Variants in IRS4 observed in about 807,000 individuals in gnomAD.
IRS4 encodes insulin receptor substrate 4.
Under a neutral mutation model 48.6 loss-of-function variants are expected in IRS4, and 15 were observed. The ratio of observed to expected loss-of-function variants is 0.31; its 90% CI spans 0.21 to 0.48. The LOEUF is 0.48. Ranked by LOEUF, IRS4 falls within the 20% of genes least tolerant of loss-of-function variation. The pLI, the probability that IRS4 is intolerant of heterozygous loss-of-function variation, is 0.99. For synonymous variants in IRS4, 459 were observed against 413.2 expected (o/e 1.11, Z -1.34); for missense variants, 987 against 1,023.4 (o/e 0.96, Z 0.49).
At position 108,733,426 on chromosome X, in the gene IRS4, G is replaced by T; in HGVS notation, c.2919C>A (p.Asn973Lys). ...EFGVPFPNPA[N>K]DLSDLLRAIP... ...TAGCTCTTAAAAGATCTGAGAGGTCGTTTGCTGGATTTGGAAATGGCACTC... is the reference window on the plus strand; with the variant it reads ...TAGCTCTTAAAAGATCTGAGAGGTCTTTTGCTGGATTTGGAAATGGCACTC... The change falls in exon 1 of 2, where the codon AAC becomes AAA. Residue 973 changes from asparagine (N) to lysine (K), a missense_variant. By Grantham distance (94) the Asn-to-Lys change is moderately conservative. This residue lies in a region of IRS4 where 720 missense variants were observed against 660.3 expected (regional missense o/e 1.09). Coordinates refer to ENST00000372129, the MANE Select transcript of IRS4 (RefSeq NM_001379150.1). 1.7e-6 allele frequency: 2 copies of T among 1,211,511 alleles called. No individual in the cohort carries two copies. Among genetic ancestry groups the T allele is most frequent in the South Asian group, 3.5e-5 (2 of 56,982 alleles).
chrX:108,735,069 C>T lies in IRS4; in HGVS notation c.1276G>A (p.Val426Ile), dbSNP rs757564223. 1.7e-6 allele frequency: 2 copies of T among 1,211,907 alleles called. No individual in the cohort carries two copies. The highest frequency in any genetic ancestry group is 2.2e-5 in the Admixed American group (1 of 46,083). ...LPRGRRSRRA[V>I]SVPASFFRRL... The stretch of plus-strand genomic sequence containing the variant: ...CGAAAAAAGCTGGCCGGCACTGAAA[C>T]CGCTCTCCTTGACCTGCGCCCTCTG... The change falls in exon 1 of 2, where the codon GTT (valine) becomes ATT (isoleucine). Residue 426 changes from valine (V) to isoleucine (I), a missense_variant. Physicochemically the swap from Val to Ile is conservative, Grantham distance 29. This residue lies in a region of IRS4 where 720 missense variants were observed against 660.3 expected (regional missense o/e 1.09). Coordinates refer to ENST00000372129, the MANE Select transcript of IRS4 (RefSeq NM_001379150.1).
Position 108,734,218 on chromosome X carries a change from G to A in IRS4, c.2127C>T (p.Thr709=), listed in dbSNP as rs750423365. The A allele has an allele frequency of 8.3e-7, 1 of 1,211,171 alleles. No individual in the cohort carries two copies. Among genetic ancestry groups the A allele is most frequent in the Non-Finnish European group, 1.1e-6 (1 of 895,354 alleles). The change falls in exon 1 of 2, where the codon ACC becomes ACT. Residue 709 remains threonine (T), a synonymous_variant. Transcript: ENST00000372129. ...TATAATCACTGGAGCTTACAAGAGG[G>A]GTGGCCACCCCTGGCCTCATTGGCA... ...PYVPMRPGVA[T]PLVSSSDYMP...
chrX:108,725,494 T>A lies in IRS4; in HGVS notation c.3767-2971A>T, dbSNP rs190962276. Among the ~76,000 whole-genome samples, 56 of 99,425 alleles carry A rather than the reference T, an allele frequency of 5.6e-4. No homozygotes were observed. In the Admixed American group the frequency reaches 6.1e-3, roughly 11 times the overall value. The allele number at this position is 99,425 out of a possible 115,157, so 86.3% of individuals were successfully genotyped here. On this transcript the variant is annotated intron_variant, in intron 1 of 1. Coordinates refer to ENST00000372129, the MANE Select transcript of IRS4 (RefSeq NM_001379150.1). ...AAAAAAAAAGGGAAGCAAAGAAAGATATGTTGAAGCATACATGCCAAAGAT... is the reference window on the plus strand; with the variant it reads ...AAAAAAAAAGGGAAGCAAAGAAAGAAATGTTGAAGCATACATGCCAAAGAT...
intron 1 of IRS4, among the ~76,000 whole-genome samples, chrX:108,730,121 TTAGA>T (rs1569510840): frequency 8.9e-6 from 1 of 111,962 alleles, no homozygotes; most frequent in Non-Finnish European, 1.9e-5. Flanking sequence ...TGTTTTAATG[TTAGA>T]TAGGAAAATA....
rs981386975 is a variant in IRS4, at chrX:108,720,376, T to C, written c.*2143A>G. The C allele has an allele frequency of 8.9e-6, 1 of 112,428 alleles. No homozygotes were observed. 9.3% of individuals were successfully genotyped at this position (112,428 alleles called of 1,213,427 possible). A position where few individuals can be genotyped will look rare whatever the true frequency, so the allele number is the denominator to read the frequency against. ...CAATACTGAATAAATTAATTGTCTGTAAACTAATAAATAATGAGAACAAGA... is the reference window on the plus strand; with the variant it reads ...CAATACTGAATAAATTAATTGTCTGCAAACTAATAAATAATGAGAACAAGA... On this transcript the variant is annotated 3_prime_UTR_variant, in exon 2 of 2. Transcript: ENST00000372129.
intron 1 of IRS4, 114 bp from the exon 2 acceptor site, chrX:108,722,637 T>A: frequency 3.9e-6 from 1 of 257,777 alleles, no homozygotes; most frequent in East Asian, 1.0e-4. Flanking sequence ...TAACTAGAAG[T>A]TTTTGAGAGA....
At chrX:108,729,216 T>C (rs536441341) in intron 1 of IRS4, among the ~76,000 whole-genome samples, 2 of 110,958 alleles carry the variant, frequency 1.8e-5, no homozygotes, top group South Asian at 3.8e-4. Context: ...AGTTTGGCAG[T>C]AGTACACTCA....
At position 108,735,169 on chromosome X, in the gene IRS4, C is replaced by T. The variant is rs778904918; in HGVS notation, c.1176G>A (p.Glu392=). Residue 392 remains glutamate, a synonymous_variant, in exon 1 of 2, where the codon GAG becomes GAA. Coordinates refer to ENST00000372129, the MANE Select transcript of IRS4 (RefSeq NM_001379150.1). ...TTACGAAGCGCCTGGTGAAAAGCAT[C>T]TCGTCTTCCCCGTCGCCGATGGCCC... ...HLRAIGDGED[E]MLFTRRFVTP... 5.8e-6 allele frequency: 7 copies of T among 1,209,523 alleles called. No homozygotes were observed. The highest frequency in any genetic ancestry group is 1.8e-5 in the African/African-American group (1 of 57,013).
At chrX:108,732,507 G>T in intron 1 of IRS4, 72 bp downstream of exon 1, 1 of 1,206,444 alleles carries the variant, frequency 8.3e-7, no homozygotes, top group South Asian at 1.8e-5. Flanking sequence ...CCCTAACACT[G>T]TAGACTGTAG....
chrX:108,727,708 G>T (rs979198103), intron 1 of IRS4, among the ~76,000 whole-genome samples: 1 of 111,791 alleles, frequency 8.9e-6, no homozygotes, highest in African/African-American at 3.2e-5. Context: ...CCAATAAAAC[G>T]TCTGGGCTAT....
rs779836797 is a variant in IRS4 at position 108,735,309 on chromosome X, T to C, written c.1036A>G (p.Ser346Gly). ...AGGGTTAACAGGTGGGCGCCGATGCTGATGCTGTAGCTGCGGCAGCGGGCT... is the reference window on the plus strand; with the variant it reads ...AGGGTTAACAGGTGGGCGCCGATGCCGATGCTGTAGCTGCGGCAGCGGGCT... Reference protein sequence around the residue: ...YRARCRSYSISIGAHLLTLLS... With the variant: ...YRARCRSYSIGIGAHLLTLLS... The change falls in exon 1 of 2, where the codon AGC becomes GGC. Residue 346 changes from serine (S) to glycine (G), a missense_variant. Coordinates refer to ENST00000372129, the MANE Select transcript of IRS4 (RefSeq NM_001379150.1). 2 of 1,209,528 alleles carry C rather than the reference T, an allele frequency of 1.7e-6. No homozygotes were observed. Among genetic ancestry groups the C allele is most frequent in the Non-Finnish European group, 2.2e-6 (2 of 895,130 alleles).
rs1296722559 is a variant in IRS4 at position 108,732,681 on chromosome X, C to T, written c.3664G>A (p.Val1222Met). The change falls in exon 1 of 2, where the codon GTG becomes ATG. Residue 1222 changes from valine (V) to methionine (M), a missense_variant. Val to Met is a conservative substitution (Grantham distance 21). Transcript: ENST00000372129. ...APEPPPRSRR[V>M]PRPPEREDSD... ...TCTTCTCTCTCCGGGGGTCTTGGCA[C>T]CCGGCGACTGCGAGGTGGTGGTTCC... is the stretch of plus-strand genomic sequence containing the variant. 1.7e-6 allele frequency: 2 copies of T among 1,209,966 alleles called. No individual in the cohort carries two copies. The highest frequency in any genetic ancestry group is 3.0e-5 in the East Asian group (1 of 33,745).
chrX:108,736,051 G>C lies in IRS4; in HGVS notation c.294C>G (p.Leu98=). The change falls in exon 1 of 2, where the codon CTC becomes CTG. Residue 98 remains leucine, a synonymous_variant. Transcript: ENST00000372129. The part of the protein sequence containing the change: ...QKHGHRRYFV[L]KLETADAPAR... ...CTGGGGCGTCAGCAGTCTCGAGTTTGAGCACGAAGTAGCGCCTGTGCCCAT... is the reference window on the plus strand; with the variant it reads ...CTGGGGCGTCAGCAGTCTCGAGTTTCAGCACGAAGTAGCGCCTGTGCCCAT... 2.5e-6 allele frequency: 3 copies of C among 1,210,883 alleles called. No individual in the cohort carries two copies. In the South Asian group the frequency reaches 5.3e-5, roughly 21 times the overall value.
Position 108,736,550 on chromosome X carries a change from G to C in IRS4, c.-206C>G. The C allele has an allele frequency of 1.6e-6, 1 of 627,459 alleles. No individual in the cohort carries two copies. Among genetic ancestry groups the C allele is most frequent in the Non-Finnish European group, 2.4e-6 (1 of 413,190 alleles). The allele number at this position is 627,459 out of a possible 1,213,427, so 51.7% of individuals were successfully genotyped here. Reference sequence around the variant, plus strand: ...TCACGCGGCGGCCGCTGCGGATCCTGCTACCGGCGCAATGGAGGGGCGCGA... The same window carrying C: ...TCACGCGGCGGCCGCTGCGGATCCTCCTACCGGCGCAATGGAGGGGCGCGA... On this transcript the variant is annotated 5_prime_UTR_variant, in exon 1 of 2. Transcript: ENST00000372129.
chrX:108,722,341 A>T lies in IRS4; in HGVS notation c.*178T>A. ...GGATCCATAAGCAGCAGTATGAATGATCTGCATGAATAGGATCATTCAATT... is the reference window on the plus strand; with the variant it reads ...GGATCCATAAGCAGCAGTATGAATGTTCTGCATGAATAGGATCATTCAATT... On this transcript the variant is annotated 3_prime_UTR_variant, in exon 2 of 2. Transcript: ENST00000372129. 4.4e-6 allele frequency: 1 copy of T among 227,842 alleles called. No homozygotes were observed. Among genetic ancestry groups the T allele is most frequent in the Non-Finnish European group, 8.4e-6 (1 of 119,500 alleles). The allele number at this position is 227,842 out of a possible 1,213,427, so 18.8% of individuals were successfully genotyped here. A position where few individuals can be genotyped will look rare whatever the true frequency, so the allele number is the denominator to read the frequency against.
intron 1 of IRS4, among the ~76,000 whole-genome samples, chrX:108,732,153 T>C (rs2068905394): frequency 8.9e-6 from 1 of 112,684 alleles, no homozygotes; most frequent in Non-Finnish European, 1.9e-5. Context: ...TAATAGTCTG[T>C]GCTCTTATTA....
rs2068853445 is a variant in IRS4, at chrX:108,720,866, C to T, written c.*1653G>A. 8.9e-6 allele frequency: 1 copy of T among 111,900 alleles called. No homozygotes were observed. The highest frequency in any genetic ancestry group is 9.5e-5 in the Admixed American group (1 of 10,575). 9.2% of individuals were successfully genotyped at this position (111,900 alleles called of 1,213,427 possible). A position where few individuals can be genotyped will look rare whatever the true frequency, so the allele number is the denominator to read the frequency against. ...TTACAAGAGGGAAAAAAGAGCCCAC[C>T]ATCCCTTTGGTTGGTAGGCAAGGAA... is the stretch of plus-strand genomic sequence containing the variant. On this transcript the variant is annotated 3_prime_UTR_variant, in exon 2 of 2. Transcript: ENST00000372129.
Position 108,722,279 on chromosome X carries a change from C to T in IRS4, c.*240G>A, listed in dbSNP as rs945831267. The T allele has an allele frequency of 2.4e-5, 4 of 163,755 alleles. No homozygotes were observed. The highest frequency in any genetic ancestry group is 1.2e-4 in the African/African-American group (4 of 32,858). 13.5% of individuals were successfully genotyped at this position (163,755 alleles called of 1,213,427 possible). On this transcript the variant is annotated 3_prime_UTR_variant, in exon 2 of 2. Transcript: ENST00000372129. ...GGGAGGAAAACCAGAAAACAAAAAA[C>T]AAAGCACAGTGTAAATATTGTTAAT... is the stretch of plus-strand genomic sequence containing the variant.
chrX:108,723,818 T>G (rs1405902892), intron 1 of IRS4: 1 of 111,561 alleles, frequency 9.0e-6, no homozygotes, highest in African/African-American at 3.3e-5. Flanking sequence ...TTTAGGAAAT[T>G]TTACATTTTA....
Sources: allele counts gnomAD v4.1 joint callset (sites outside exome capture counted in the v4.1 genomes callset), GRCh38; gene constraint gnomAD v4.1.1; regional missense constraint gnomAD v4.1.1; transcripts MANE v1.5; gene names NCBI Gene and HGNC (gene_info 2026-07-23, HGNC 2026-07-21).